CPXM2: variants seen among roughly 807,000 people sequenced by gnomAD.
CPXM2 encodes inactive carboxypeptidase-like protein X2.
Under a neutral mutation model 86.1 loss-of-function variants are expected in CPXM2, and 66 were observed. The observed-to-expected ratio is 0.77, with a 90% CI of 0.63 to 0.94. CPXM2 has a LOEUF of 0.94. Among genes scored for constraint, CPXM2 ranks in the 40% least tolerant of loss-of-function variants. The pLI is 0.00. For missense variants in CPXM2, 948 were observed against 1,026.3 expected (o/e 0.92, Z 1.04); for synonymous variants, 388 against 400.2 (o/e 0.97, Z 0.36).
intron 4 of CPXM2, among the ~76,000 whole-genome samples, chr10:123,838,783 G>C (rs1848326225): frequency 6.6e-6 from 1 of 152,170 alleles, no homozygotes; most frequent in East Asian, 1.9e-4. Flanking sequence ...CGACCCTGCA[G>C]AACCTGGGAA....
intron 2 of CPXM2, among the ~76,000 whole-genome samples, chr10:123,929,815 C>A (rs1463254157): frequency 6.6e-6 from 1 of 152,210 alleles, no homozygotes; most frequent in Non-Finnish European, 1.5e-5. Context: ...CCCGCCCCTG[C>A]CAGCTCTGGA....
chr10:123,832,260 G>A (rs930900250), intron 4 of CPXM2, among the ~76,000 whole-genome samples: 12 of 152,212 alleles, frequency 7.9e-5, no homozygotes, highest in Middle Eastern at 3.4e-3. Flanking sequence ...GTCAGCCCTG[G>A]GGGAGCCATG....
intron 4 of CPXM2, among the ~76,000 whole-genome samples, chr10:123,821,868 G>A (rs1847931421): frequency 6.6e-6 from 1 of 152,226 alleles, no homozygotes; most frequent in East Asian, 1.9e-4. Context: ...ATAACAAGAT[G>A]TTAATTCTCC....
intron 4 of CPXM2, among the ~76,000 whole-genome samples, chr10:123,826,834 A>G (rs147567951): frequency 6.6e-6 from 1 of 152,328 alleles, no homozygotes; most frequent in African/African-American, 2.4e-5. Flanking sequence ...ATGGTATTAC[A>G]TTATTCCAAA....
rs754686014 is a variant in CPXM2, at chr10:123,780,171, C to T, written c.974G>A (p.Arg325His). 97 of 1,594,484 alleles carry T rather than the reference C, an allele frequency of 6.1e-5. 2 individuals are homozygous for T. In the South Asian group the frequency reaches 9.2e-4, roughly 15 times the overall value. ...GCTTTGTGATCTGGGTCTTACCTGG[C>T]GCATTTCCTTATAATTGTGGTGCTT... The part of the protein sequence containing the change: ...DFKHHNYKEM[R>H]QLMKVVNEMC... The change falls in exon 7 of 14, where the codon CGC (arginine) becomes CAC (histidine). Residue 325 changes from arginine (R) to histidine (H), a missense_variant. Physicochemically the swap from Arg to His is conservative, Grantham distance 29. Coordinates refer to ENST00000241305, the MANE Select transcript of CPXM2 (RefSeq NM_198148.3).
chr10:123,864,837 T>C (rs1183567717), intron 2 of CPXM2, among the ~76,000 whole-genome samples: 1 of 152,146 alleles, frequency 6.6e-6, no homozygotes, highest in Non-Finnish European at 1.5e-5. Flanking sequence ...CTGACTAAAA[T>C]TACATATCCA....
chr10:123,747,644 C>G (rs957159507), intron 13 of CPXM2, among the ~76,000 whole-genome samples: 1 of 152,222 alleles, frequency 6.6e-6, no homozygotes, highest in South Asian at 2.1e-4. Flanking sequence ...GAGGTGGTGC[C>G]CATGCCTCCC....
chr10:123,767,247 G>C, intron 9 of CPXM2, 95 bp from the exon 10 acceptor site: 1 of 1,173,112 alleles, frequency 8.5e-7, no homozygotes, highest in Admixed American at 1.9e-5. Context: ...TCCCCTTGGG[G>C]AATGTCTCTA....
intron 4 of CPXM2, among the ~76,000 whole-genome samples, chr10:123,828,253 A>C (rs558551879): frequency 6.6e-6 from 1 of 152,354 alleles, no homozygotes; most frequent in African/African-American, 2.4e-5. Flanking sequence ...ACAAGTGCAA[A>C]ATCAATCTGA....
intron 12 of CPXM2, among the ~76,000 whole-genome samples, chr10:123,755,694 T>A (rs1416610416): frequency 6.6e-6 from 1 of 152,212 alleles, no homozygotes; most frequent in Admixed American, 6.5e-5. Context: ...ATGACTTGTG[T>A]CATGCGATGC....
intron 2 of CPXM2, among the ~76,000 whole-genome samples, chr10:123,909,367 AT>A (rs1564820153): frequency 6.6e-6 from 1 of 152,100 alleles, no homozygotes; most frequent in African/African-American, 2.4e-5. Flanking sequence ...ACAAGGCTTA[AT>A]TTTTTTTCTT....
intron 2 of CPXM2, among the ~76,000 whole-genome samples, chr10:123,901,486 C>T (rs374380127): frequency 4.5e-5 from 6 of 133,240 alleles, no homozygotes; most frequent in African/African-American, 1.9e-4. Context: ...TTCCCCTATG[C>T]AAATGAAGGC....
Position 123,746,246 on chromosome 10 carries a change from C to T in CPXM2, c.*518G>A, listed in dbSNP as rs751982049. On this transcript the variant is annotated 3_prime_UTR_variant, in exon 14 of 14. Coordinates refer to ENST00000241305, the MANE Select transcript of CPXM2 (RefSeq NM_198148.3). ...CAATGACGCTATTGTCAAAAGAACA[C>T]AGAATTTATTTGTAGCAGCTTGCAA... The T allele has an allele frequency of 1.6e-4, 25 of 157,892 alleles. No individual in the cohort carries two copies. The highest frequency in any genetic ancestry group is 2.5e-4 in the Non-Finnish European group (18 of 71,788). The allele number at this position is 157,892 out of a possible 1,614,324, so 9.8% of individuals were successfully genotyped here.
intron 2 of CPXM2, among the ~76,000 whole-genome samples, chr10:123,916,268 G>A (rs1181578069): frequency 6.6e-6 from 1 of 152,156 alleles, no homozygotes; most frequent in Admixed American, 6.5e-5. Context: ...TGGATGAAGC[G>A]AGAGTAGGTG....
At chr10:123,765,341 TCTC>T (rs1420526282) in intron 10 of CPXM2, among the ~76,000 whole-genome samples, 3 of 152,250 alleles carry the variant, frequency 2.0e-5, no homozygotes, top group Non-Finnish European at 4.4e-5. Context: ...ATTGTGTAAT[TCTC>T]CTTGTAGTTC....
At chr10:123,751,811 G>A (rs916614137) in intron 13 of CPXM2, 17 of 985,226 alleles carry the variant, frequency 1.7e-5, no homozygotes, top group African/African-American at 3.5e-5. Flanking sequence ...AGAGCCGTGT[G>A]TAAAGTATGG....
chr10:123,789,393 C>T (rs1847150744), intron 6 of CPXM2, among the ~76,000 whole-genome samples: 1 of 152,232 alleles, frequency 6.6e-6, no homozygotes. Flanking sequence ...CCAGGAAACC[C>T]TCTGGTTCCT....
At position 123,746,319 on chromosome 10, in the gene CPXM2, T is replaced by C. The variant is rs1845969965; in HGVS notation, c.*445A>G. 1 of 177,704 alleles carries C rather than the reference T, an allele frequency of 5.6e-6. No homozygotes were observed. The highest frequency in any genetic ancestry group is 1.2e-5 in the Non-Finnish European group (1 of 84,460). The allele number at this position is 177,704 out of a possible 1,614,324, so 11.0% of individuals were successfully genotyped here. A position where few individuals can be genotyped will look rare whatever the true frequency, so the allele number is the denominator to read the frequency against. On this transcript the variant is annotated 3_prime_UTR_variant, in exon 14 of 14. Transcript: ENST00000241305. Reference sequence around the variant, plus strand: ...GATTCTCTTAGGACGCCTGGGAGCATCTCAAATGGTAACATTTGGGACAGC... The same window carrying C: ...GATTCTCTTAGGACGCCTGGGAGCACCTCAAATGGTAACATTTGGGACAGC...
intron 1 of CPXM2, among the ~76,000 whole-genome samples, chr10:123,888,355 T>A (rs573480932): frequency 6.6e-6 from 1 of 152,362 alleles, no homozygotes. Flanking sequence ...GTTATGCATC[T>A]CTAAATTGAA....
Sources: gnomAD v4.1 joint callset for allele counts (sites outside exome capture counted in the v4.1 genomes callset) on GRCh38, gnomAD v4.1.1 for gene constraint, MANE v1.5 for transcripts, NCBI Gene and HGNC (gene_info 2026-07-23, HGNC 2026-07-21) for gene names.